Variants in NFATC1 observed in about 807,000 individuals in gnomAD.
The protein encoded by NFATC1 is nuclear factor of activated T-cells, cytoplasmic 1.
Under a neutral mutation model 76.0 loss-of-function variants are expected in NFATC1, and 22 were observed. The ratio of observed to expected loss-of-function variants is 0.29; its 90% CI spans 0.21 to 0.41. The LOEUF is 0.41. NFATC1 is among the 10% of genes least tolerant of loss of function. The pLI is 1.00. For missense variants in NFATC1, 1,357 were observed against 1,337.7 expected (o/e 1.01, Z -0.23); for synonymous variants, 704 against 613.1 (o/e 1.15, Z -2.19).
chr18:79,424,583 CTT>C, intron 2 of NFATC1, among the ~76,000 whole-genome samples: 1 of 151,794 alleles, frequency 6.6e-6, no homozygotes, highest in South Asian at 2.1e-4. Context: ...CTCTCCATCT[CTT>C]TCTCTGTCTC....
intron 9 of NFATC1, among the ~76,000 whole-genome samples, chr18:79,504,900 G>A (rs71359462): frequency 1.7e-5 from 2 of 116,582 alleles, no homozygotes; most frequent in African/African-American, 7.0e-5. Context: ...GGAGGAGGTG[G>A]TGCTGGAGGC....
intron 9 of NFATC1, among the ~76,000 whole-genome samples, chr18:79,510,453 G>A (rs74901737): frequency 0.061 from 9,253 of 152,312 alleles, 410 homozygotes; most frequent in Admixed American, 0.096. Flanking sequence ...AGATGAATGC[G>A]GCCCTACCTG....
chr18:79,508,961 CT>C (rs1219103036), intron 9 of NFATC1, among the ~76,000 whole-genome samples: 1 of 145,074 alleles, frequency 6.9e-6, no homozygotes, highest in Non-Finnish European at 1.5e-5. Context: ...ATGTCTGGTT[CT>C]TTTCAGCTCC....
At chr18:79,435,353 T>TTTG (rs1161254993) in intron 3 of NFATC1, among the ~76,000 whole-genome samples, 1,419 of 141,888 alleles carry the variant, frequency 0.01, 8 homozygotes, top group Middle Eastern at 0.07. Context: ...GGTTTGTTTG[T>TTTG]TTTTTTTTTT....
intron 2 of NFATC1, among the ~76,000 whole-genome samples, chr18:79,427,822 G>A (rs2086433573): frequency 7.0e-6 from 1 of 143,456 alleles, no homozygotes; most frequent in Non-Finnish European, 1.5e-5. Context: ...GGGGTCGGGG[G>A]GAGCTGGATG....
At chr18:79,452,508 C>A (rs1310230150) in intron 6 of NFATC1, among the ~76,000 whole-genome samples, 2 of 152,228 alleles carry the variant, frequency 1.3e-5, no homozygotes, top group African/African-American at 4.8e-5. Context: ...ATTGGGCTCA[C>A]AGAGTGGCTC....
At chr18:79,523,350 A>C (rs1419956899) in intron 9 of NFATC1, among the ~76,000 whole-genome samples, 1 of 152,262 alleles carries the variant, frequency 6.6e-6, no homozygotes, top group Non-Finnish European at 1.5e-5. Context: ...AGAGAAACAA[A>C]ACTCCTGCGT....
intron 9 of NFATC1, chr18:79,523,955 A>G (rs1376734399): frequency 6.6e-6 from 1 of 152,182 alleles, no homozygotes; most frequent in Non-Finnish European, 1.5e-5. Flanking sequence ...TGCAATTCAA[A>G]ATATGCTAGG....
rs950913963 is a variant in NFATC1, at chr18:79,449,041, C to T, written c.1589+57C>T. On this transcript the variant is annotated intron_variant, in intron 4 of 9. Coordinates refer to ENST00000427363, the MANE Select transcript of NFATC1 (RefSeq NM_001278669.2). The stretch of plus-strand genomic sequence containing the variant: ...GGGGGCGGTAGGAGGGGGCGTGCCT[C>T]CCTCCCAGTCCCGGGGGGTCTGGCC... 4.5e-6 allele frequency: 7 copies of T among 1,560,768 alleles called. No homozygotes were observed. The African/African-American group carries it at 9.5e-5, about 21-fold the overall frequency.
At chr18:79,464,669 T>TGTGTGTGTAC (rs1224530916) in intron 7 of NFATC1, among the ~76,000 whole-genome samples, 10 of 122,282 alleles carry the variant, frequency 8.2e-5, no homozygotes, top group East Asian at 4.8e-4. Context: ...TGTGTGTGTG[T>TGTGTGTGTAC]GTATATGTAT....
At chr18:79,519,920 C>A (rs947737323) in intron 9 of NFATC1, among the ~76,000 whole-genome samples, 2 of 152,106 alleles carry the variant, frequency 1.3e-5, no homozygotes, top group Non-Finnish European at 2.9e-5. Flanking sequence ...TTGCTGGAGT[C>A]GGAAGTAGGA....
chr18:79,400,795 C>T (rs1281522792), intron 1 of NFATC1, among the ~76,000 whole-genome samples: 3 of 113,444 alleles, frequency 2.6e-5, no homozygotes, highest in Non-Finnish European at 6.1e-5. Flanking sequence ...CCTCTCCCCG[C>T]CCCGCGTCCC....
At position 79,518,027 on chromosome 18, in the gene NFATC1, C is replaced by T. The variant is rs191433811; in HGVS notation, c.2783-9501C>T. 5.9e-5 allele frequency among the ~76,000 whole-genome samples: 9 copies of T among 152,344 alleles called. No homozygotes were observed. The East Asian group carries it at 9.6e-4, about 16-fold the overall frequency. On this transcript the variant is annotated intron_variant, in intron 9 of 9. Transcript: ENST00000427363. ...ATCCAGTTCCTAAAAACAATTCTAG[C>T]GCTGCCTCTCCCGGCTCTTCACTGC...
intron 9 of NFATC1, chr18:79,496,614 A>C (rs1363775784): frequency 6.6e-6 from 1 of 152,284 alleles, no homozygotes; most frequent in Non-Finnish European, 1.5e-5. Context: ...GCTGACTCAC[A>C]CATTCTGCCA....
chr18:79,491,836 C>T (rs989082540), intron 9 of NFATC1, among the ~76,000 whole-genome samples: 11 of 152,100 alleles, frequency 7.2e-5, no homozygotes, highest in Non-Finnish European at 1.5e-4. Flanking sequence ...GACTCAGCCC[C>T]GGCCCCTGGG....
At chr18:79,435,028 C>T (rs767588464) in intron 3 of NFATC1, among the ~76,000 whole-genome samples, 9 of 152,212 alleles carry the variant, frequency 5.9e-5, no homozygotes, top group South Asian at 2.1e-4. Flanking sequence ...CACCACGCTC[C>T]GTCACTGCAG....
intron 1 of NFATC1, among the ~76,000 whole-genome samples, chr18:79,397,363 T>G (rs2085042927): frequency 6.6e-6 from 1 of 152,210 alleles, no homozygotes; most frequent in Admixed American, 6.5e-5. Flanking sequence ...AGGGCAGACG[T>G]CCTTCCGAGC....
At chr18:79,408,895 TCATC>T (rs1261422877) in intron 1 of NFATC1, among the ~76,000 whole-genome samples, 1 of 148,654 alleles carries the variant, frequency 6.7e-6, no homozygotes, top group Non-Finnish European at 1.5e-5. Context: ...CATCCATCCA[TCATC>T]CATCCATCAT....
rs2085667960 is a variant in NFATC1 at position 79,411,293 on chromosome 18, C to G, written c.1018C>G (p.Leu340Val). The G allele has an allele frequency of 6.2e-7, 1 of 1,603,648 alleles. No homozygotes were observed. The highest frequency in any genetic ancestry group is 1.3e-5 in the African/African-American group (1 of 75,038). ...CCCTGTCAAGTCCCGCAAGACCACCCTGGAGCAGCCGCCCTCAGTGGCGCT... is the reference window on the plus strand; with the variant it reads ...CCCTGTCAAGTCCCGCAAGACCACCGTGGAGCAGCCGCCCTCAGTGGCGCT... Reference protein sequence around the residue: ...GVPVKSRKTTLEQPPSVALKV... With the variant: ...GVPVKSRKTTVEQPPSVALKV... Residue 340 changes from leucine to valine, a missense_variant, in exon 2 of 10, where the codon CTG becomes GTG. Around this residue, in one of 3 missense-constraint regions of NFATC1, gnomAD observed 691 missense variants for 613.1 expected, o/e 1.13. Transcript: ENST00000427363.
Sources: gnomAD v4.1 joint callset for allele counts (sites outside exome capture counted in the v4.1 genomes callset) on GRCh38, gnomAD v4.1.1 for gene constraint, gnomAD v4.1.1 regional missense constraint, MANE v1.5 for transcripts, NCBI Gene and HGNC (gene_info 2026-07-23, HGNC 2026-07-21) for gene names.